Variants in NALF1 observed in about 807,000 individuals in gnomAD.
NALF1 encodes NALCN channel auxiliary factor 1.
A neutral mutation model predicts 48.4 loss-of-function variants in NALF1; 3 were observed. The observed-to-expected ratio is 0.06, with a 90% CI of 0.03 to 0.16. NALF1 has a LOEUF of 0.16. NALF1 is among the 10% of genes least tolerant of loss of function. NALF1 has a pLI of 1.00. For missense variants in NALF1, 526 were observed against 571.5 expected (o/e 0.92, Z 0.81); for synonymous variants, 262 against 245.7 (o/e 1.07, Z -0.62).
intron 1 of NALF1, among the ~76,000 whole-genome samples, chr13:107,722,697 G>A (rs912630162): frequency 2.0e-5 from 3 of 152,192 alleles, no homozygotes; most frequent in African/African-American, 4.8e-5. Context: ...ATCTCCACTC[G>A]TGGGGGGTCA....
At chr13:107,853,056 C>T (rs1480310830) in intron 1 of NALF1, among the ~76,000 whole-genome samples, 1 of 152,096 alleles carries the variant, frequency 6.6e-6, no homozygotes, top group Non-Finnish European at 1.5e-5. Context: ...AAAGCCAGCT[C>T]TATCATAAAT....
At chr13:107,302,712 TG>T (rs1343477647) in intron 1 of NALF1, among the ~76,000 whole-genome samples, 1 of 152,226 alleles carries the variant, frequency 6.6e-6, no homozygotes, top group Non-Finnish European at 1.5e-5. Flanking sequence ...CAATTGAATC[TG>T]AATTGGATCA....
intron 1 of NALF1, among the ~76,000 whole-genome samples, chr13:107,551,308 G>C (rs747034114): frequency 2.6e-5 from 4 of 151,972 alleles, no homozygotes; most frequent in Non-Finnish European, 4.4e-5. Context: ...CCATTTATTT[G>C]TGTTTTAGCA....
chr13:107,783,804 A>G (rs1413068374), intron 1 of NALF1, among the ~76,000 whole-genome samples: 3 of 150,300 alleles, frequency 2.0e-5, no homozygotes, highest in Non-Finnish European at 4.4e-5. Flanking sequence ...TCCCTCCACT[A>G]TTGTCCTATG....
chr13:107,617,575 A>C (rs556866365), intron 1 of NALF1, among the ~76,000 whole-genome samples: 1 of 152,304 alleles, frequency 6.6e-6, no homozygotes, highest in East Asian at 1.9e-4. Flanking sequence ...ATGGTGAAGG[A>C]CCCATGAGAA....
intron 1 of NALF1, among the ~76,000 whole-genome samples, chr13:107,751,269 C>T (rs1039248074): frequency 9.9e-5 from 15 of 152,246 alleles, no homozygotes; most frequent in African/African-American, 2.6e-4. Context: ...GCTTTGCCCA[C>T]GGTAGAGGTA....
intron 1 of NALF1, among the ~76,000 whole-genome samples, chr13:107,302,303 A>G (rs1163254224): frequency 6.6e-6 from 1 of 152,132 alleles, no homozygotes; most frequent in Admixed American, 6.6e-5. Flanking sequence ...TTTCTTTATA[A>G]ATTACCCAGT....
chr13:107,731,908 T>G (rs968965796), intron 1 of NALF1, among the ~76,000 whole-genome samples: 1 of 152,176 alleles, frequency 6.6e-6, no homozygotes, highest in Non-Finnish European at 1.5e-5. Flanking sequence ...TCTCTGCTGC[T>G]TCCTTTGTCC....
chr13:107,183,465 C>G (rs369970007), intron 2 of NALF1, among the ~76,000 whole-genome samples: 107 of 152,250 alleles, frequency 7.0e-4, no homozygotes, highest in African/African-American at 2.4e-3. Flanking sequence ...ACTAGAAATA[C>G]CATTTGACTC....
intron 1 of NALF1, among the ~76,000 whole-genome samples, chr13:107,400,298 T>C (rs906648746): frequency 1.4e-4 from 21 of 152,196 alleles, no homozygotes; most frequent in Non-Finnish European, 3.1e-4. Context: ...TAGTATTTTC[T>C]ATGTAATTAT....
chr13:107,170,751 C>T lies in NALF1; in HGVS notation c.1123G>A (p.Glu375Lys), dbSNP rs751419347. 2.5e-6 allele frequency: 4 copies of T among 1,614,066 alleles called. No homozygotes were observed. Among genetic ancestry groups the T allele is most frequent in the Admixed American group, 1.7e-5 (1 of 60,002 alleles). Residue 375 changes from glutamate (E) to lysine (K), a missense_variant, in exon 3 of 3, where the codon GAA (glutamate) becomes AAA (lysine). Physicochemically the swap from Glu to Lys is moderately conservative, Grantham distance 56. Coordinates refer to ENST00000375915, the MANE Select transcript of NALF1 (RefSeq NM_001080396.3). ...YETFLTNDEP[E>K]CCDVRREEKS... is the part of the protein sequence containing the mutation. ...TCTTCTCTCCTGACGTCACAGCATT[C>T]TGGTTCATCATTGGTTAGAAAGGTT...
At position 107,201,137 on chromosome 13, in the gene NALF1, T is replaced by C. The variant is rs1210654629; in HGVS notation, c.1087+9447A>G. On this transcript the variant is annotated intron_variant, in intron 2 of 2. Transcript: ENST00000375915. ...TTCCAAGGTCTATGATATGTGCATGTACGTTGATATCTATCTATCTATCTA... is the reference window on the plus strand; with the variant it reads ...TTCCAAGGTCTATGATATGTGCATGCACGTTGATATCTATCTATCTATCTA... 2.0e-5 allele frequency among the ~76,000 whole-genome samples: 3 copies of C among 151,838 alleles called. No homozygotes were observed. In the South Asian group the frequency reaches 6.2e-4, roughly 32 times the overall value.
At chr13:107,497,740 T>C (rs1474367614) in intron 1 of NALF1, among the ~76,000 whole-genome samples, 1 of 152,214 alleles carries the variant, frequency 6.6e-6, no homozygotes, top group Non-Finnish European at 1.5e-5. Flanking sequence ...TTCTCATCTA[T>C]TACAGAAAGT....
intron 1 of NALF1, among the ~76,000 whole-genome samples, chr13:107,605,602 T>C (rs1879044557): frequency 6.6e-6 from 1 of 152,186 alleles, no homozygotes; most frequent in Non-Finnish European, 1.5e-5. Context: ...ACTTTATTCC[T>C]AGGAAGGAAA....
chr13:107,807,826 C>A (rs1440880637), intron 1 of NALF1, among the ~76,000 whole-genome samples: 3 of 152,076 alleles, frequency 2.0e-5, no homozygotes, highest in Non-Finnish European at 4.4e-5. Context: ...ATATATACCC[C>A]ATGGGGAACA....
intron 1 of NALF1, among the ~76,000 whole-genome samples, chr13:107,465,821 T>C (rs369742796): frequency 6.6e-6 from 1 of 152,226 alleles, no homozygotes; most frequent in Non-Finnish European, 1.5e-5. Flanking sequence ...CTGTTCCTCA[T>C]AGATGGCCCC....
At chr13:107,218,090 C>G (rs1159596752) in intron 1 of NALF1, among the ~76,000 whole-genome samples, 3 of 152,126 alleles carry the variant, frequency 2.0e-5, no homozygotes, top group Non-Finnish European at 4.4e-5. Flanking sequence ...TCTCTGGCCA[C>G]AGGAGTGACA....
intron 1 of NALF1, among the ~76,000 whole-genome samples, chr13:107,709,168 G>A (rs984619065): frequency 3.9e-5 from 6 of 152,216 alleles, no homozygotes; most frequent in African/African-American, 1.2e-4. Flanking sequence ...ATGAAGTAGT[G>A]TAGAGTCCAT....
intron 1 of NALF1, among the ~76,000 whole-genome samples, chr13:107,485,138 C>T (rs1885309845): frequency 6.6e-6 from 1 of 152,138 alleles, no homozygotes; most frequent in Admixed American, 6.6e-5. Context: ...AGCAGGGCTG[C>T]ATTTGTAACT....
Sources: allele counts gnomAD v4.1 joint callset (sites outside exome capture counted in the v4.1 genomes callset), GRCh38; gene constraint gnomAD v4.1.1; transcripts MANE v1.5; gene names NCBI Gene and HGNC (gene_info 2026-07-23, HGNC 2026-07-21).